CENPU: variants seen among roughly 807,000 people sequenced by gnomAD.
CENPU encodes the protein KSHV latent nuclear antigen interacting protein 1.
Under a neutral mutation model 56.7 loss-of-function variants are expected in CENPU, and 46 were observed. The observed-to-expected ratio is 0.81, with a 90% CI of 0.64 to 1.04. The LOEUF is 1.04. Ranked by LOEUF, CENPU falls within the 50% of genes least tolerant of loss-of-function variation. The probability of loss-of-function intolerance (pLI) is 0.00; values close to 1 mark genes in which losing one functional copy is unlikely to be tolerated. For synonymous variants in CENPU, 166 were observed against 163.0 expected (o/e 1.02, Z -0.14); for missense variants, 510 against 490.1 (o/e 1.04, Z -0.38).
Position 184,734,038 on chromosome 4 carries a change from GCC to G in CENPU, c.23_24del (p.Arg8ProfsTer7), listed in dbSNP as rs1434385346. 38 of 1,577,842 alleles carry G rather than the reference GCC, an allele frequency of 2.4e-5. No individual in the cohort carries two copies. In the East Asian group the frequency reaches 6.9e-4, roughly 28 times the overall value. On this transcript the variant is annotated frameshift_variant, in exon 1 of 13. Coordinates refer to ENST00000281453, the MANE Select transcript of CENPU (RefSeq NM_024629.4). LOFTEE classifies it high-confidence loss of function. The stretch of plus-strand genomic sequence containing the variant: ...TACCCCTCAGACCTGTGAGGCCGCG[GCC>G]GCCGCCGCCCCCGCGGGGCCATGGT... The part of the protein sequence containing the change: MAPRGRR[R>X]PRPHRSEGAR...
At position 184,697,746 on chromosome 4, in the gene CENPU, C is replaced by G. The variant is rs778420765; in HGVS notation, c.1044G>C (p.Lys348Asn). 9.9e-6 allele frequency: 16 copies of G among 1,612,692 alleles called. No homozygotes were observed. The highest frequency in any genetic ancestry group is 1.4e-5 in the Non-Finnish European group (16 of 1,179,520). ...AATATGCTGCATTCCTAAGGGAAGA[C>G]TTTCTCTCTTTAAGTTCATCATATT... is the stretch of plus-strand genomic sequence containing the variant. ...QTKYDELKER[K>N]SSLRNAAYFL... The change falls in exon 12 of 13, where the codon AAG becomes AAC. Residue 348 changes from lysine (K) to asparagine (N), a missense_variant. Lys to Asn is a moderately conservative substitution (Grantham distance 94, BLOSUM62 0). Coordinates refer to ENST00000281453, the MANE Select transcript of CENPU (RefSeq NM_024629.4).
chr4:184,707,916 A>G (rs1282527772), intron 8 of CENPU, among the ~76,000 whole-genome samples: 1 of 152,188 alleles, frequency 6.6e-6, no homozygotes, highest in East Asian at 1.9e-4. Flanking sequence ...ACATGAATAC[A>G]AGACACAAAG....
intron 8 of CENPU, among the ~76,000 whole-genome samples, chr4:184,708,215 T>G (rs1034043174): frequency 1.3e-4 from 11 of 87,396 alleles, no homozygotes; most frequent in African/African-American, 4.7e-4. Flanking sequence ...AGAGTGAGAC[T>G]CCATCTCAAA....
At position 184,716,653 on chromosome 4, in the gene CENPU, G is replaced by A. The variant is rs1440616762; in HGVS notation, c.382-20C>T. 1.3e-6 allele frequency: 2 copies of A among 1,550,514 alleles called. No homozygotes were observed. Among genetic ancestry groups the A allele is most frequent in the Admixed American group, 3.4e-5 (2 of 59,358 alleles). On this transcript the variant is annotated intron_variant, in intron 5 of 12. Coordinates refer to ENST00000281453, the MANE Select transcript of CENPU (RefSeq NM_024629.4). ...TCCTGGCTGTGTGAAAGAAAAAACA[G>A]CAGTACTTATGTAGAAAATAGAAAT...
At chr4:184,722,287 G>A (rs1195711730) in intron 4 of CENPU, among the ~76,000 whole-genome samples, 3 of 151,998 alleles carry the variant, frequency 2.0e-5, no homozygotes, top group Non-Finnish European at 4.4e-5. Context: ...ATCAAAAAAA[G>A]AAAAACTTTA....
At position 184,695,392 on chromosome 4, in the gene CENPU, A is replaced by G; in HGVS notation, c.1153T>C (p.Ser385Pro). ...EPNVKETYDS[S>P]SLPALLFKAR... ...TTAAATAACAGAGCTGGAAGGCTGG[A>G]TGAATCATACTGTTGAAAGAAAATT... The change falls in exon 13 of 13, where the codon TCC becomes CCC. Residue 385 changes from serine to proline, a missense_variant. By Grantham distance (74) the Ser-to-Pro change is moderately conservative. Coordinates refer to ENST00000281453, the MANE Select transcript of CENPU (RefSeq NM_024629.4). 4 of 1,611,288 alleles carry G rather than the reference A, an allele frequency of 2.5e-6. No individual in the cohort carries two copies. Among genetic ancestry groups the G allele is most frequent in the Non-Finnish European group, 3.4e-6 (4 of 1,177,618 alleles).
intron 11 of CENPU, 107 bp downstream of exon 11, chr4:184,700,713 A>G: frequency 2.0e-6 from 2 of 986,032 alleles, no homozygotes; most frequent in South Asian, 2.6e-5. Context: ...CTTGAAGATA[A>G]CCTGGGGCTT....
rs576419944 is a variant in CENPU, at chr4:184,702,156, C to A, written c.877-20G>T. On this transcript the variant is annotated intron_variant, in intron 9 of 12. Transcript: ENST00000281453. Reference sequence around the variant, plus strand: ...TTTAAGCTACACAAAACAAAAAATACACATGTACATCAGTTTCCAAAAGTA... The same window carrying A: ...TTTAAGCTACACAAAACAAAAAATAAACATGTACATCAGTTTCCAAAAGTA... 1.9e-6 allele frequency: 3 copies of A among 1,577,728 alleles called. No individual in the cohort carries two copies. In the South Asian group the frequency reaches 3.3e-5, roughly 18 times the overall value.
At chr4:184,726,874 A>T (rs1761468631) in intron 3 of CENPU, among the ~76,000 whole-genome samples, 1 of 150,984 alleles carries the variant, frequency 6.6e-6, no homozygotes. Flanking sequence ...GGACCACCTG[A>T]GGTCAAGGGT....
rs116992383 is a variant in CENPU at position 184,702,445 on chromosome 4, T to C, written c.798-4A>G. On this transcript the variant is annotated splice_region_variant and splice_polypyrimidine_tract_variant and intron_variant, in intron 8 of 12. Coordinates refer to ENST00000281453, the MANE Select transcript of CENPU (RefSeq NM_024629.4). ...AACTTTAGATTCTATTCTTTGTCTG[T>C]AGAGGAATTAAAAAAAAGTCTAAGT... is the stretch of plus-strand genomic sequence containing the variant. 7.0e-4 allele frequency: 1,112 copies of C among 1,598,450 alleles called. 15 individuals are homozygous for C. The Admixed American group carries it at 0.017, about 25-fold the overall frequency.
chr4:184,723,669 C>T (rs1282700463), intron 4 of CENPU, among the ~76,000 whole-genome samples: 3 of 151,448 alleles, frequency 2.0e-5, no homozygotes, highest in Non-Finnish European at 4.4e-5. Context: ...TGGTGAAACT[C>T]CATCTCTACT....
intron 6 of CENPU, among the ~76,000 whole-genome samples, chr4:184,715,097 G>C (rs906886951): frequency 1.3e-5 from 2 of 152,154 alleles, no homozygotes; most frequent in Admixed American, 1.3e-4. Context: ...TGTACAAAAG[G>C]AAATTTGAAG....
chr4:184,716,736 T>C, intron 5 of CENPU, 103 bp from the exon 6 acceptor site: 1 of 885,922 alleles, frequency 1.1e-6, no homozygotes, highest in South Asian at 1.7e-5. Context: ...ATTTCTCACT[T>C]CTACACTTCA....
chr4:184,708,330 T>G (rs141271104), intron 8 of CENPU, among the ~76,000 whole-genome samples: 36 of 151,118 alleles, frequency 2.4e-4, no homozygotes, highest in Non-Finnish European at 4.1e-4. Context: ...AAGAATAAAT[T>G]AGCAAATCTA....
At chr4:184,702,581 T>C (rs1760572895) in intron 8 of CENPU, 140 bp from the exon 9 acceptor site, 1 of 548,676 alleles carries the variant, frequency 1.8e-6, no homozygotes, top group South Asian at 2.4e-5. Context: ...ATCTCTTATT[T>C]TTAATAATCT....
intron 8 of CENPU, among the ~76,000 whole-genome samples, chr4:184,707,013 A>T (rs934344057): frequency 6.6e-6 from 1 of 151,344 alleles, no homozygotes; most frequent in Non-Finnish European, 1.5e-5. Context: ...AGATTTGTGA[A>T]TAGGTAAAGG....
At chr4:184,699,988 G>A (rs1185650720) in intron 11 of CENPU, among the ~76,000 whole-genome samples, 5 of 152,192 alleles carry the variant, frequency 3.3e-5, no homozygotes, top group African/African-American at 9.7e-5. Flanking sequence ...TTAGTTTTGA[G>A]TGAGTTTTTA....
At chr4:184,697,402 G>A (rs1303704212) in intron 12 of CENPU, among the ~76,000 whole-genome samples, 1 of 148,160 alleles carries the variant, frequency 6.7e-6, no homozygotes, top group African/African-American at 2.4e-5. Context: ...ATGAAATTCA[G>A]CTGTCCGAGT....
chr4:184,712,210 C>G (rs1760950125), intron 7 of CENPU, among the ~76,000 whole-genome samples: 7 of 151,286 alleles, frequency 4.6e-5, no homozygotes, highest in Admixed American at 4.6e-4. Flanking sequence ...GAGACTGGAT[C>G]AACTGTAGTG....
Sources: gnomAD v4.1 joint callset for allele counts (sites outside exome capture counted in the v4.1 genomes callset) on GRCh38, gnomAD v4.1.1 for gene constraint, MANE v1.5 for transcripts, NCBI Gene and HGNC (gene_info 2026-07-23, HGNC 2026-07-21) for gene names.